NEGR1: variants seen among roughly 807,000 people sequenced by gnomAD.
NEGR1 encodes the protein neuronal growth regulator 1, also known as IgLON family member 4.
Under a neutral mutation model 40.9 loss-of-function variants are expected in NEGR1, and 10 were observed. The observed-to-expected ratio is 0.24, with a 90% CI of 0.15 to 0.42. NEGR1 has a LOEUF of 0.42. NEGR1 is among the 10% of genes least tolerant of loss of function. The probability of loss-of-function intolerance (pLI) is 1.00; values close to 1 mark genes in which losing one functional copy is unlikely to be tolerated. For synonymous variants in NEGR1, 185 were observed against 166.8 expected (o/e 1.11, Z -0.84); for missense variants, 352 against 438.9 (o/e 0.80, Z 1.77).
intron 5 of NEGR1, among the ~76,000 whole-genome samples, chr1:71,601,618 T>A (rs1649920666): frequency 6.6e-6 from 1 of 152,208 alleles, no homozygotes; most frequent in African/African-American, 2.4e-5. Flanking sequence ...AGTGAAATAC[T>A]ATGCAGCCAT....
rs546354920 is a variant in NEGR1, at chr1:71,664,005, T to A, written c.667+34003A>T. On this transcript the variant is annotated intron_variant, in intron 4 of 6. Transcript: ENST00000357731. ...GGTAAAATTTCCATACGTGCTGGGA[T>A]CCTTAAATGTCAAAATAAGAGTTGG... 3.3e-5 allele frequency among the ~76,000 whole-genome samples: 5 copies of A among 152,314 alleles called. No homozygotes were observed. The South Asian group carries it at 1.0e-3, about 32-fold the overall frequency.
chr1:71,463,903 A>C (rs567211325), intron 6 of NEGR1, among the ~76,000 whole-genome samples: 49 of 152,150 alleles, frequency 3.2e-4, no homozygotes, highest in Non-Finnish European at 6.2e-4. Flanking sequence ...AAATGATACT[A>C]AAATAAATAA....
chr1:72,206,595 G>A (rs1229352493), intron 1 of NEGR1, among the ~76,000 whole-genome samples: 1 of 151,946 alleles, frequency 6.6e-6, no homozygotes, highest in East Asian at 1.9e-4. Context: ...TCAGAAAATA[G>A]GGATGACTAA....
At chr1:72,248,714 C>A (rs1340513721) in intron 1 of NEGR1, among the ~76,000 whole-genome samples, 1 of 151,000 alleles carries the variant, frequency 6.6e-6, no homozygotes, top group Non-Finnish European at 1.5e-5. Flanking sequence ...TCCCTAGTAG[C>A]TGGGACTACA....
chr1:72,193,080 A>G (rs1652876455), intron 1 of NEGR1, among the ~76,000 whole-genome samples: 1 of 151,814 alleles, frequency 6.6e-6, no homozygotes, highest in South Asian at 2.1e-4. Context: ...GTATATAATT[A>G]ACTTTTCTGC....
rs1646265978 is a variant in NEGR1 at position 71,404,566 on chromosome 1, T to G, written c.*2880A>C. 7.6e-6 allele frequency: 1 copy of G among 131,176 alleles called. No individual in the cohort carries two copies. The highest frequency in any genetic ancestry group is 1.6e-5 in the Non-Finnish European group (1 of 61,132). The allele number at this position is 131,176 out of a possible 1,614,324, so 8.1% of individuals were successfully genotyped here. A position where few individuals can be genotyped will look rare whatever the true frequency, so the allele number is the denominator to read the frequency against. ...CTACCTTCTCCCCTTCCTCCCTTCC[T>G]TCCTTCATTCCTTCCATCCTTCCTT... On this transcript the variant is annotated 3_prime_UTR_variant, in exon 7 of 7. Coordinates refer to ENST00000357731, the MANE Select transcript of NEGR1 (RefSeq NM_173808.3).
intron 6 of NEGR1, among the ~76,000 whole-genome samples, chr1:71,429,387 T>C (rs1432160108): frequency 1.3e-5 from 2 of 152,234 alleles, no homozygotes; most frequent in African/African-American, 4.8e-5. Flanking sequence ...TTACATTTCA[T>C]TTCAAATTCA....
intron 4 of NEGR1, among the ~76,000 whole-genome samples, chr1:71,684,068 A>G (rs1212067601): frequency 1.3e-5 from 2 of 152,126 alleles, no homozygotes; most frequent in Admixed American, 1.3e-4. Context: ...CAGGAGATCG[A>G]GACAATCCTG....
At chr1:71,810,494 G>A (rs950480100) in intron 2 of NEGR1, among the ~76,000 whole-genome samples, 2 of 152,042 alleles carry the variant, frequency 1.3e-5, no homozygotes, top group African/African-American at 4.8e-5. Flanking sequence ...ATACAATATG[G>A]AAACACATTA....
At chr1:71,410,962 C>T (rs1329297478) in intron 6 of NEGR1, among the ~76,000 whole-genome samples, 1 of 152,138 alleles carries the variant, frequency 6.6e-6, no homozygotes, top group East Asian at 1.9e-4. Flanking sequence ...ACAAATTAAG[C>T]ATTACCGCCT....
intron 1 of NEGR1, among the ~76,000 whole-genome samples, chr1:72,137,877 CTA>C (rs1650528163): frequency 6.6e-6 from 1 of 151,976 alleles, no homozygotes; most frequent in Admixed American, 6.6e-5. Context: ...CTTGTCAAAA[CTA>C]TGTAAGGCAG....
intron 4 of NEGR1, among the ~76,000 whole-genome samples, chr1:71,680,951 A>C (rs1652819440): frequency 6.6e-6 from 1 of 152,222 alleles, no homozygotes; most frequent in Non-Finnish European, 1.5e-5. Context: ...ACATTCCCAC[A>C]ATTTCTAGGT....
At chr1:71,547,298 C>G (rs1230012947) in intron 6 of NEGR1, among the ~76,000 whole-genome samples, 1 of 151,732 alleles carries the variant, frequency 6.6e-6, no homozygotes, top group Non-Finnish European at 1.5e-5. Flanking sequence ...CTAACTTGTT[C>G]ATTTGTCAAG....
At chr1:71,673,531 G>A (rs1345113643) in intron 4 of NEGR1, among the ~76,000 whole-genome samples, 1 of 151,940 alleles carries the variant, frequency 6.6e-6, no homozygotes, top group Non-Finnish European at 1.5e-5. Context: ...AGCATTATAG[G>A]ATCTAGGATG....
intron 2 of NEGR1, among the ~76,000 whole-genome samples, chr1:71,856,157 G>T (rs975965547): frequency 3.9e-5 from 6 of 152,012 alleles, no homozygotes; most frequent in Non-Finnish European, 7.4e-5. Flanking sequence ...GAAAAATAGT[G>T]TCCATTTTCA....
rs150794085 is a variant in NEGR1 at position 72,076,725 on chromosome 1, C to T, written c.177-141414G>A. 3.5e-4 allele frequency among the ~76,000 whole-genome samples: 54 copies of T among 152,154 alleles called. No homozygotes were observed. The East Asian group carries it at 9.7e-3, about 27-fold the overall frequency. ...ATATATACACACATGCGTGCACACG[C>T]GCACACACACACATACTGTATCCAT... On this transcript the variant is annotated intron_variant, in intron 1 of 6. Transcript: ENST00000357731.
intron 1 of NEGR1, among the ~76,000 whole-genome samples, chr1:72,033,818 T>C (rs1002217939): frequency 6.6e-6 from 1 of 152,150 alleles, no homozygotes; most frequent in Non-Finnish European, 1.5e-5. Flanking sequence ...ATAATATTAA[T>C]ACAACACTCC....
At chr1:71,732,411 A>G (rs1243972337) in intron 3 of NEGR1, among the ~76,000 whole-genome samples, 2 of 152,138 alleles carry the variant, frequency 1.3e-5, no homozygotes, top group Non-Finnish European at 2.9e-5. Flanking sequence ...TCATGGACCC[A>G]GTCTCAGCCA....
intron 2 of NEGR1, among the ~76,000 whole-genome samples, chr1:71,894,420 A>G (rs1660906211): frequency 6.6e-6 from 1 of 152,168 alleles, no homozygotes; most frequent in Non-Finnish European, 1.5e-5. Flanking sequence ...CATAATGACA[A>G]TATTTCCATT....
Sources: allele counts gnomAD v4.1 joint callset (sites outside exome capture counted in the v4.1 genomes callset), GRCh38; gene constraint gnomAD v4.1.1; transcripts MANE v1.5; gene names NCBI Gene and HGNC (gene_info 2026-07-23, HGNC 2026-07-21).